CIMIP2A: variants seen among roughly 807,000 people sequenced by gnomAD.
The protein encoded by CIMIP2A is ciliary microtubule inner protein 2A.
the CIMIP2A span, chr9:137,245,342 C>T: frequency 6.2e-4 from 987 of 1,601,058 alleles, 1 homozygote; most frequent in Middle Eastern, 3.4e-3. Flanking sequence ...ACAGGAGTGG[C>T]GCTCTTCCAG....
the CIMIP2A span, chr9:137,252,187 G>A: frequency 1.3e-6 from 2 of 1,570,404 alleles, no homozygotes; most frequent in Non-Finnish European, 8.6e-7. Context: ...CTCACCCTGG[G>A]AATGGGGGCC....
the CIMIP2A span, chr9:137,252,873 A>G: frequency 1.3e-6 from 2 of 1,589,632 alleles, no homozygotes; most frequent in East Asian, 4.6e-5. Context: ...CCCAACACCT[A>G]CAATATCCTT....
the CIMIP2A span, chr9:137,252,342 A>G: frequency 2.9e-6 from 4 of 1,400,548 alleles, no homozygotes; most frequent in African/African-American, 5.7e-5. Context: ...ACAAGGGTTC[A>G]GGGGCCGAGG....
chr9:137,245,809 G>C, the CIMIP2A span: 1 of 1,518,118 alleles, frequency 6.6e-7, no homozygotes, highest in African/African-American at 1.4e-5. Context: ...ACGCCCATAG[G>C]TGTTCCCCAC....
chr9:137,248,597 G>A, the CIMIP2A span, among the ~76,000 whole-genome samples: 4 of 151,054 alleles, frequency 2.6e-5, no homozygotes, highest in African/African-American at 9.7e-5. Flanking sequence ...TGTGGCTCAT[G>A]CCTATAATTG....
chr9:137,245,625 G>C, the CIMIP2A span: 1 of 1,610,830 alleles, frequency 6.2e-7, no homozygotes, highest in East Asian at 2.2e-5. Flanking sequence ...CAGGGCTGGG[G>C]ACTGGCAGCT....
the CIMIP2A span, among the ~76,000 whole-genome samples, chr9:137,248,571 A>T: frequency 6.7e-6 from 1 of 148,200 alleles, no homozygotes; most frequent in Non-Finnish European, 1.5e-5. Flanking sequence ...AGAAAGAAAG[A>T]AGAAAGGCTG....
chr9:137,251,013 A>C, the CIMIP2A span: 1 of 449,622 alleles, frequency 2.2e-6, no homozygotes, highest in South Asian at 2.1e-5. Flanking sequence ...CTCCCAGGAG[A>C]CCCCAGGGTG....
the CIMIP2A span, chr9:137,252,545 G>C: frequency 6.4e-7 from 1 of 1,560,934 alleles, no homozygotes; most frequent in African/African-American, 1.4e-5. Context: ...TGGGCAGGAA[G>C]GGGGCGGGGA....
chr9:137,245,431 T>A, the CIMIP2A span: 2 of 1,613,776 alleles, frequency 1.2e-6, no homozygotes, highest in South Asian at 2.2e-5. Flanking sequence ...GTGCGGGGTG[T>A]CGGGCGTGAA....
chr9:137,246,448 G>A, the CIMIP2A span, among the ~76,000 whole-genome samples: 1 of 152,208 alleles, frequency 6.6e-6, no homozygotes, highest in Non-Finnish European at 1.5e-5. Context: ...CTTTCAAGGA[G>A]TGAGAACTAC....
chr9:137,251,360 A>G, the CIMIP2A span: 2 of 1,613,558 alleles, frequency 1.2e-6, no homozygotes, highest in South Asian at 1.1e-5. Context: ...CACTGGACCC[A>G]TGGTCACCTG....
chr9:137,244,989 A>G, the CIMIP2A span: 25 of 1,607,484 alleles, frequency 1.6e-5, no homozygotes, highest in Non-Finnish European at 2.0e-5. Flanking sequence ...CTGGAGCAGG[A>G]AAAGTGGGCC....
the CIMIP2A span, chr9:137,245,246 G>C: frequency 2.5e-6 from 4 of 1,572,616 alleles, no homozygotes; most frequent in Middle Eastern, 1.7e-4. Flanking sequence ...CGGAGGTCAC[G>C]GTGCAGCTCC....
chr9:137,245,641 G>C, the CIMIP2A span: 1 of 1,608,362 alleles, frequency 6.2e-7, no homozygotes, highest in Non-Finnish European at 8.5e-7. Context: ...CAGCTCACTG[G>C]TGTAGTGGGG....
the CIMIP2A span, among the ~76,000 whole-genome samples, chr9:137,247,924 G>A: frequency 5.3e-5 from 8 of 152,316 alleles, no homozygotes; most frequent in East Asian, 9.7e-4. Flanking sequence ...GAGGAGTTGC[G>A]GTGAGGCAGG....
chr9:137,250,375 G>C, the CIMIP2A span: 1 of 152,348 alleles, frequency 6.6e-6, no homozygotes, highest in African/African-American at 2.4e-5. Context: ...CTGGGCAGGG[G>C]CCCCGGAGCA....
chr9:137,244,959 C>T, the CIMIP2A span: 1 of 1,603,516 alleles, frequency 6.2e-7, no homozygotes, highest in Admixed American at 1.7e-5. Context: ...GAGGAGGTCC[C>T]CCCAGGCCGC....
chr9:137,254,021 C>G, the CIMIP2A span, among the ~76,000 whole-genome samples: 1 of 150,830 alleles, frequency 6.6e-6, no homozygotes, highest in South Asian at 2.1e-4. Flanking sequence ...CTGGGGCCTC[C>G]CTTGTCATCA....
Sources: gnomAD v4.1 joint callset for allele counts (sites outside exome capture counted in the v4.1 genomes callset) on GRCh38, gnomAD v4.1.1 for gene constraint, MANE v1.5 for transcripts, NCBI Gene and HGNC (gene_info 2026-07-23, HGNC 2026-07-21) for gene names.